Variants in GALNT13 observed in about 807,000 individuals in gnomAD.
GALNT13 encodes polypeptide N-acetylgalactosaminyltransferase 13.
A neutral mutation model predicts 64.2 loss-of-function variants in GALNT13; 28 were observed. That is an observed-to-expected ratio of 0.44 (90% CI 0.32 to 0.60). GALNT13 has a LOEUF of 0.60. GALNT13 is among the 20% of genes least tolerant of loss of function. The pLI, the probability that GALNT13 is intolerant of heterozygous loss-of-function variation, is 0.05. For synonymous variants in GALNT13, 214 were observed against 224.6 expected (o/e 0.95, Z 0.42); for missense variants, 577 against 669.8 (o/e 0.86, Z 1.53).
chr2:153,914,249 T>G (rs1689176103), intron 2 of GALNT13, among the ~76,000 whole-genome samples: 1 of 152,134 alleles, frequency 6.6e-6, no homozygotes, highest in Admixed American at 6.5e-5. Flanking sequence ...ATCATTTTAC[T>G]GTTAAGAATG....
chr2:153,451,209 A>G, the GALNT13 span, among the ~76,000 whole-genome samples: 1 of 152,198 alleles, frequency 6.6e-6, no homozygotes, highest in Non-Finnish European at 1.5e-5. Context: ...ATCAGCATTC[A>G]TTAGTAAATT....
At chr2:153,967,462 A>G (rs1023027459) in intron 3 of GALNT13, among the ~76,000 whole-genome samples, 1 of 152,138 alleles carries the variant, frequency 6.6e-6, no homozygotes, top group Non-Finnish European at 1.5e-5. Flanking sequence ...TGGCCCCCAT[A>G]AGCCCAGGAA....
At chr2:154,245,695 G>T in intron 6 of GALNT13, 117 bp from the exon 7 acceptor site, 1 of 632,878 alleles carries the variant, frequency 1.6e-6, no homozygotes, top group South Asian at 2.3e-5. Context: ...GAAGCTAAAG[G>T]CATATTAAAG....
chr2:153,389,328 G>T, the GALNT13 span, among the ~76,000 whole-genome samples: 1 of 152,036 alleles, frequency 6.6e-6, no homozygotes, highest in South Asian at 2.1e-4. Context: ...TGTTTCTCTT[G>T]CTCTGCCCAA....
chr2:153,393,250 C>G, the GALNT13 span, among the ~76,000 whole-genome samples: 1 of 150,316 alleles, frequency 6.7e-6, no homozygotes, highest in African/African-American at 2.4e-5. Flanking sequence ...GTCTCAATAA[C>G]AGACTCAGAA....
At chr2:153,564,594 G>GTT in the GALNT13 span, among the ~76,000 whole-genome samples, 209 of 142,166 alleles carry the variant, frequency 1.5e-3, 1 homozygote, top group African/African-American at 4.8e-3. Context: ...ATGAGGATTA[G>GTT]TTTTTTTTTT....
chr2:153,338,922 T>G, the GALNT13 span, among the ~76,000 whole-genome samples: 1 of 152,200 alleles, frequency 6.6e-6, no homozygotes, highest in South Asian at 2.1e-4. Context: ...ACATAATGTC[T>G]TCCAAGTTCA....
chr2:153,253,003 G>A, the GALNT13 span, among the ~76,000 whole-genome samples: 1 of 151,576 alleles, frequency 6.6e-6, no homozygotes, highest in African/African-American at 2.4e-5. Context: ...CCAATTCTGT[G>A]AAGAAAGTCA....
intron 9 of GALNT13, among the ~76,000 whole-genome samples, chr2:154,354,629 T>G (rs1461584707): frequency 6.6e-6 from 1 of 151,908 alleles, no homozygotes; most frequent in East Asian, 1.9e-4. Flanking sequence ...TTTTTTTTTT[T>G]TGAATGTGGA....
chr2:153,414,736 T>A, the GALNT13 span, among the ~76,000 whole-genome samples: 1 of 152,186 alleles, frequency 6.6e-6, no homozygotes, highest in Non-Finnish European at 1.5e-5. Flanking sequence ...AAAATACTCT[T>A]ATCAGTTTTT....
chr2:153,181,030 C>CTTTTTTTTTTTTTTTTTTTTT, the GALNT13 span, among the ~76,000 whole-genome samples: 23 of 32,100 alleles, frequency 7.2e-4, 3 homozygotes, highest in South Asian at 8.9e-4. Flanking sequence ...TTTATTGTTT[C>CTTTTTTTTTTTTTTTTTTTTT]TTTTTTTTTT....
chr2:153,308,688 T>C, the GALNT13 span, among the ~76,000 whole-genome samples: 1 of 152,166 alleles, frequency 6.6e-6, no homozygotes, highest in African/African-American at 2.4e-5. Flanking sequence ...GGCTCTCAGA[T>C]AAGTGTTGAG....
intron 1 of GALNT13, among the ~76,000 whole-genome samples, chr2:153,896,995 T>C (rs1454105407): frequency 6.6e-6 from 1 of 152,186 alleles, no homozygotes; most frequent in African/African-American, 2.4e-5. Flanking sequence ...CCTCTTTTGC[T>C]TCATTTCTGT....
intron 1 of GALNT13, among the ~76,000 whole-genome samples, chr2:153,874,471 T>C (rs10221629): frequency 0.27 from 40,878 of 151,804 alleles, 6,046 homozygotes; most frequent in Middle Eastern, 0.41. Context: ...AAAGCTTTTC[T>C]AAAGGAATTA....
At chr2:154,050,281 A>G (rs1469695698) in intron 3 of GALNT13, among the ~76,000 whole-genome samples, 1 of 152,222 alleles carries the variant, frequency 6.6e-6, no homozygotes, top group Non-Finnish European at 1.5e-5. Flanking sequence ...CAGTGAGGAA[A>G]GTGAGACTAT....
chr2:153,124,214 C>G, the GALNT13 span, among the ~76,000 whole-genome samples: 1 of 152,118 alleles, frequency 6.6e-6, no homozygotes, highest in South Asian at 2.1e-4. Context: ...ATCGAGTTGT[C>G]CATTTGACCT....
chr2:154,139,020 A>G (rs923316822), intron 3 of GALNT13, among the ~76,000 whole-genome samples: 5 of 151,922 alleles, frequency 3.3e-5, no homozygotes, highest in African/African-American at 9.7e-5. Context: ...TCTATATTCA[A>G]TGTTTCCAGT....
intron 3 of GALNT13, among the ~76,000 whole-genome samples, chr2:154,118,834 G>A (rs1232253632): frequency 3.9e-5 from 6 of 152,014 alleles, no homozygotes; most frequent in African/African-American, 1.2e-4. Flanking sequence ...CAACAACTCT[G>A]GACTGTTACT....
chr2:153,201,586 TG>T, the GALNT13 span: 1 of 152,168 alleles, frequency 6.6e-6, no homozygotes, highest in Non-Finnish European at 1.5e-5. Flanking sequence ...ACATAGGGAA[TG>T]TACTTATCTT....
Sources: allele counts gnomAD v4.1 joint callset (sites outside exome capture counted in the v4.1 genomes callset), GRCh38; gene constraint gnomAD v4.1.1; transcripts MANE v1.5; gene names NCBI Gene and HGNC (gene_info 2026-07-23, HGNC 2026-07-21).